Variants in PDE1C observed in about 807,000 individuals in gnomAD.
PDE1C encodes the protein dual specificity calcium/calmodulin-dependent 3',5'-cyclic nucleotide phosphodiesterase 1C.
Under a neutral mutation model 93.1 loss-of-function variants are expected in PDE1C, and 62 were observed. That is an observed-to-expected ratio of 0.67 (90% CI 0.54 to 0.82). The LOEUF is 0.82. Among genes scored for constraint, PDE1C ranks in the 40% least tolerant of loss-of-function variants. The pLI is 0.00. For missense variants in PDE1C, 742 were observed against 884.6 expected, an observed-to-expected ratio of 0.84 and a Z score of 2.04; for synonymous variants, 325 against 310.1, an observed-to-expected ratio of 1.05 and a Z score of -0.50.
chr7:31,643,307 A>G, the PDE1C span: 3 of 1,613,928 alleles, frequency 1.9e-6, no homozygotes, highest in Non-Finnish European at 2.5e-6. Flanking sequence ...ATCCCCAAGC[A>G]CAGTGAAATC....
chr7:32,004,090 C>T (rs61524618), intron 2 of PDE1C, among the ~76,000 whole-genome samples: 5,999 of 152,074 alleles, frequency 0.039, 372 homozygotes, highest in African/African-American at 0.14. Flanking sequence ...AAAGCCACAG[C>T]CAAGACAGGT....
intron 1 of PDE1C, among the ~76,000 whole-genome samples, chr7:32,356,280 A>T (rs1784027602): frequency 6.6e-6 from 1 of 152,228 alleles, no homozygotes; most frequent in African/African-American, 2.4e-5. Context: ...AAGACCCCAC[A>T]ATGTCTTTTT....
At chr7:32,361,511 C>A (rs959147202) in intron 1 of PDE1C, among the ~76,000 whole-genome samples, 1 of 152,204 alleles carries the variant, frequency 6.6e-6, no homozygotes, top group African/African-American at 2.4e-5. Flanking sequence ...GTGACACACA[C>A]CTTCCCACGC....
chr7:31,935,363 C>A (rs918345977), intron 2 of PDE1C, among the ~76,000 whole-genome samples: 3 of 152,098 alleles, frequency 2.0e-5, no homozygotes, highest in African/African-American at 7.2e-5. Context: ...TGCCCCTTGC[C>A]CCAGGCCTGC....
At chr7:32,308,280 G>C (rs906757064) in intron 1 of PDE1C, among the ~76,000 whole-genome samples, 2 of 152,248 alleles carry the variant, frequency 1.3e-5, no homozygotes, top group Admixed American at 1.3e-4. Context: ...AGGCCTGCCT[G>C]CCTCTGTAGG....
chr7:32,291,015 A>G (rs1406667468), intron 1 of PDE1C, among the ~76,000 whole-genome samples: 1 of 152,164 alleles, frequency 6.6e-6, no homozygotes, highest in Non-Finnish European at 1.5e-5. Context: ...CTATAAATAT[A>G]TAATAATAAA....
the PDE1C span, chr7:31,708,243 A>G: frequency 2.0e-5 from 3 of 152,224 alleles, no homozygotes; most frequent in Non-Finnish European, 2.9e-5. Flanking sequence ...GGGAAGGCAT[A>G]CAGGCCTCAT....
intron 2 of PDE1C, among the ~76,000 whole-genome samples, chr7:31,944,429 G>C (rs1226653274): frequency 6.6e-6 from 1 of 152,194 alleles, no homozygotes; most frequent in Non-Finnish European, 1.5e-5. Flanking sequence ...CAGCTCTCCT[G>C]AGGGTGGGCA....
At chr7:31,904,552 C>A (rs1386210375) in intron 2 of PDE1C, among the ~76,000 whole-genome samples, 1 of 151,802 alleles carries the variant, frequency 6.6e-6, no homozygotes, top group African/African-American at 2.4e-5. Context: ...AAGTATTACT[C>A]TACTGATCCC....
At chr7:32,027,715 G>A (rs1213985299) in intron 2 of PDE1C, among the ~76,000 whole-genome samples, 1 of 142,524 alleles carries the variant, frequency 7.0e-6, no homozygotes, top group Non-Finnish European at 1.5e-5. Context: ...GAGCCTGACT[G>A]TTATGAGCTG....
At chr7:31,714,232 A>G in the PDE1C span, among the ~76,000 whole-genome samples, 1 of 152,218 alleles carries the variant, frequency 6.6e-6, no homozygotes, top group Admixed American at 6.5e-5. Flanking sequence ...AAGTTCCACA[A>G]ATCTCTAGGG....
intron 1 of PDE1C, among the ~76,000 whole-genome samples, chr7:32,417,541 T>C (rs2128098973): frequency 6.6e-6 from 1 of 152,238 alleles, no homozygotes; most frequent in East Asian, 1.9e-4. Context: ...ACTTGCCCCA[T>C]TAATCATGGG....
intron 1 of PDE1C, among the ~76,000 whole-genome samples, chr7:32,064,932 G>A (rs1795206451): frequency 6.6e-6 from 1 of 151,860 alleles, no homozygotes; most frequent in Non-Finnish European, 1.5e-5. Context: ...TGAGCTGCAA[G>A]AGGACACCAC....
At chr7:31,947,486 G>T (rs1383602937) in intron 2 of PDE1C, among the ~76,000 whole-genome samples, 3 of 152,138 alleles carry the variant, frequency 2.0e-5, no homozygotes, top group African/African-American at 7.2e-5. Flanking sequence ...GCAGGCCTTT[G>T]GGGCCAAGTT....
chr7:32,399,694 T>C (rs1247888094), intron 1 of PDE1C, among the ~76,000 whole-genome samples: 1 of 151,146 alleles, frequency 6.6e-6, no homozygotes, highest in Non-Finnish European at 1.5e-5. Flanking sequence ...ATGATTCTCA[T>C]GCCTCAGCCT....
chr7:31,628,471 C>CT, the PDE1C span, among the ~76,000 whole-genome samples: 3 of 126,428 alleles, frequency 2.4e-5, no homozygotes, highest in South Asian at 4.9e-4. Context: ...CTTTTTTTTT[C>CT]TTTTTTTGAG....
chr7:32,120,444 C>T (rs972251661), intron 3 of PDE1C, among the ~76,000 whole-genome samples: 5 of 152,120 alleles, frequency 3.3e-5, no homozygotes, highest in African/African-American at 9.7e-5. Context: ...ACTGGTATAG[C>T]GGTTGTCAGA....
chr7:31,797,326 A>G (rs914755097), intron 16 of PDE1C, among the ~76,000 whole-genome samples: 1 of 151,730 alleles, frequency 6.6e-6, no homozygotes, highest in African/African-American at 2.4e-5. Flanking sequence ...ACTTTTTGTC[A>G]CTACATAGAA....
At chr7:32,026,891 T>C (rs1259150828) in intron 2 of PDE1C, among the ~76,000 whole-genome samples, 2 of 152,104 alleles carry the variant, frequency 1.3e-5, no homozygotes, top group Admixed American at 6.6e-5. Context: ...GAATACATAT[T>C]GCTGAGTGGA....
Sources: gnomAD v4.1 joint callset for allele counts (sites outside exome capture counted in the v4.1 genomes callset) on GRCh38, gnomAD v4.1.1 for gene constraint, MANE v1.5 for transcripts, NCBI Gene and HGNC (gene_info 2026-07-23, HGNC 2026-07-21) for gene names.